TG: variants seen among roughly 807,000 people sequenced by gnomAD.
TG encodes thyroid hormones.
In TG, 270 loss-of-function variants were observed where a neutral mutation model predicts 324.7. That is an observed-to-expected ratio of 0.83 (90% CI 0.75 to 0.92). The LOEUF is 0.92. Among genes scored for constraint, TG ranks in the 40% least tolerant of loss-of-function variants. The probability of loss-of-function intolerance (pLI) is 0.00; values close to 1 mark genes in which losing one functional copy is unlikely to be tolerated. For synonymous variants in TG, 1,401 were observed against 1,327.0 expected (o/e 1.06, Z -1.21); for missense variants, 3,591 against 3,456.4 (o/e 1.04, Z -0.98).
At position 133,095,168 on chromosome 8, in the gene TG, G is replaced by T. The variant is rs2272707; in HGVS notation, c.7364G>T (p.Arg2455Leu). Residue 2455 changes from arginine to leucine, a missense_variant, in exon 42 of 48, where the codon CGC (arginine) becomes CTC (leucine). Arg to Leu is a moderately radical substitution (Grantham distance 102). Coordinates refer to ENST00000220616, the MANE Select transcript of TG (RefSeq NM_003235.5). ...SSSQEVVSCL[R>L]QKPANVLNDA... Reference sequence around the variant, plus strand: ...AGCCAAGAAGTGGTGTCCTGCCTCCGCCAGAAGCCTGCCAATGTCCTCAAT... The same window carrying T: ...AGCCAAGAAGTGGTGTCCTGCCTCCTCCAGAAGCCTGCCAATGTCCTCAAT... 3.7e-6 allele frequency: 6 copies of T among 1,614,182 alleles called. No homozygotes were observed. In the Admixed American group the frequency reaches 5.0e-5, roughly 13 times the overall value.
At chr8:133,047,954 C>T in intron 41 of TG, 1 of 1,484,572 alleles carries the variant, frequency 6.7e-7, no homozygotes, top group Non-Finnish European at 9.4e-7. Context: ...GGAAGACAGC[C>T]ATTAGGATCC....
At chr8:133,011,874 G>A (rs771906092) in intron 35 of TG, 27 bp from the exon 36 acceptor site, 17 of 1,613,974 alleles carry the variant, frequency 1.1e-5, no homozygotes, top group Middle Eastern at 3.3e-4. Context: ...ACAACTGCAT[G>A]TGACTGTCCG....
rs200232845 is a variant in TG at position 132,868,252 on chromosome 8, A to G, written c.176+29A>G. ...AGGCTTATGTCAGCAGCGAACTCTC[A>G]AGGTCCAAGATGCCATAAAAAGCAT... On this transcript the variant is annotated intron_variant, in intron 2 of 47. Coordinates refer to ENST00000220616, the MANE Select transcript of TG (RefSeq NM_003235.5). 2.1e-4 allele frequency: 336 copies of G among 1,596,172 alleles called. 1 individual carries two copies. In the African/African-American group the frequency reaches 4.3e-3, roughly 20 times the overall value.
At chr8:133,092,835 G>A (rs928472328) in intron 41 of TG, among the ~76,000 whole-genome samples, 5 of 152,078 alleles carry the variant, frequency 3.3e-5, no homozygotes, top group African/African-American at 1.2e-4. Flanking sequence ...AATTTTCCAC[G>A]GTGAAAAAGG....
In TG at chr8:132,933,596, G is replaced by A. The variant is rs114101452; in HGVS notation, c.4852G>A (p.Val1618Met). ...GGACGAGGCCTGCAGCTTCTTCACCGTGTCCACGACGGAGCCAGAGATTTC... is the reference window on the plus strand; with the variant it reads ...GGACGAGGCCTGCAGCTTCTTCACCATGTCCACGACGGAGCCAGAGATTTC... Reference protein sequence around the residue: ...TEDEACSFFTVSTTEPEISCD... With the variant: ...TEDEACSFFTMSTTEPEISCD... Residue 1618 changes from valine (V) to methionine (M), a missense_variant, in exon 24 of 48, where the codon GTG becomes ATG. Physicochemically the swap from Val to Met is conservative, Grantham distance 21. Transcript: ENST00000220616. 1.2e-4 allele frequency: 192 copies of A among 1,614,022 alleles called. No homozygotes were observed. The highest frequency in any genetic ancestry group is 2.8e-4 in the African/African-American group (21 of 74,886).
intron 4 of TG, among the ~76,000 whole-genome samples, chr8:132,872,477 C>CAAAAAAAA (rs11359047): frequency 1.4e-5 from 1 of 73,154 alleles, no homozygotes; most frequent in African/African-American, 5.5e-5. Context: ...GACTCCGTCT[C>CAAAAAAAA]AAAAAAAAAA....
At position 132,988,751 on chromosome 8, in the gene TG, A is replaced by C. The variant is rs117870930; in HGVS notation, c.6262+5339A>C. 6.4e-4 allele frequency: 629 copies of C among 985,432 alleles called. 14 individuals are homozygous for C. The East Asian group carries it at 0.056, about 88-fold the overall frequency. The allele number at this position is 985,432 out of a possible 1,614,324, so 61.0% of individuals were successfully genotyped here. On this transcript the variant is annotated intron_variant, in intron 35 of 47. Transcript: ENST00000220616. ...AGCAAGGCTGCTGCAGGTTAGCTTG[A>C]GTTATCTTCTCCAGTGTTGGAGCCT...
At chr8:132,985,129 T>C (rs6995181) in intron 35 of TG, among the ~76,000 whole-genome samples, 52,925 of 151,940 alleles carry the variant, frequency 0.35, 9,638 homozygotes, top group African/African-American at 0.43. Context: ...CAACGACACA[T>C]AGATCAAAAA....
In TG at chr8:133,102,258, A is replaced by C. The variant is rs74706672; in HGVS notation, c.7572+5885A>C. The C allele has an allele frequency of 6.3e-3, 2,038 of 325,856 alleles. 40 individuals are homozygous for C. The highest frequency in any genetic ancestry group is 0.04 in the African/African-American group (1,899 of 47,688). The allele number at this position is 325,856 out of a possible 1,614,324, so 20.2% of individuals were successfully genotyped here. A position where few individuals can be genotyped will look rare whatever the true frequency, so the allele number is the denominator to read the frequency against. ...TCCAAATTGTAGTAAACACAAATGC[A>C]TGCTCTCTACTCATGCCAACGCTGC... is the stretch of plus-strand genomic sequence containing the variant. On this transcript the variant is annotated intron_variant, in intron 43 of 47. Coordinates refer to ENST00000220616, the MANE Select transcript of TG (RefSeq NM_003235.5).
At chr8:133,131,768 C>T in intron 45 of TG, 44 bp from the exon 46 acceptor site, 2 of 1,611,574 alleles carry the variant, frequency 1.2e-6, no homozygotes, top group East Asian at 2.2e-5. Context: ...GAGTAGTTTA[C>T]TTTCTCTTGA....
chr8:133,092,559 A>G (rs1225181756), intron 41 of TG, among the ~76,000 whole-genome samples: 1 of 152,126 alleles, frequency 6.6e-6, no homozygotes, highest in Non-Finnish European at 1.5e-5. Flanking sequence ...TGTGCAGAGG[A>G]CACGCTTCTT....
At chr8:133,093,870 T>TA (rs1847979389) in intron 41 of TG, among the ~76,000 whole-genome samples, 1 of 152,192 alleles carries the variant, frequency 6.6e-6, no homozygotes, top group Admixed American at 6.5e-5. Context: ...GCAACCGACT[T>TA]ATACAATTGC....
chr8:133,111,220 C>T (rs1198865264), intron 43 of TG, among the ~76,000 whole-genome samples: 1 of 152,060 alleles, frequency 6.6e-6, no homozygotes, highest in Non-Finnish European at 1.5e-5. Context: ...ACTGGGGGAA[C>T]GAGCCTGTCT....
Position 133,083,869 on chromosome 8 carries a change from G to A in TG, c.7240-11175G>A, listed in dbSNP as rs2739170. Reference sequence around the variant, plus strand: ...AGTGAAGCCACCTCCTCCTCAGATGGTCCCTCTGCACCCAGTGGTTCCCAG... The same window carrying A: ...AGTGAAGCCACCTCCTCCTCAGATGATCCCTCTGCACCCAGTGGTTCCCAG... On this transcript the variant is annotated intron_variant, in intron 41 of 47. Transcript: ENST00000220616. Among the ~76,000 whole-genome samples the A allele has an allele frequency of 8.0e-3, 1,221 of 152,126 alleles. 17 individuals carry two copies. The highest frequency in any genetic ancestry group is 0.043 in the South Asian group (208 of 4,818).
intron 35 of TG, among the ~76,000 whole-genome samples, chr8:133,005,552 A>G (rs940036957): frequency 6.6e-6 from 1 of 152,156 alleles, no homozygotes; most frequent in Non-Finnish European, 1.5e-5. Context: ...TAACTCATTC[A>G]TTTGTGGTTA....
At chr8:132,932,462 T>C (rs1323472210) in intron 23 of TG, among the ~76,000 whole-genome samples, 1 of 152,218 alleles carries the variant, frequency 6.6e-6, no homozygotes, top group Non-Finnish European at 1.5e-5. Flanking sequence ...CCACAGACTG[T>C]GCTGATTTTT....
intron 6 of TG, 137 bp from the exon 7 acceptor site, chr8:132,882,332 A>G (rs1814760630): frequency 9.6e-7 from 1 of 1,044,276 alleles, no homozygotes; most frequent in African/African-American, 1.6e-5. Context: ...GACTTTGGAA[A>G]CTGTTAAAGT....
chr8:133,052,302 A>G (rs1564121581), intron 41 of TG, among the ~76,000 whole-genome samples: 1 of 152,246 alleles, frequency 6.6e-6, no homozygotes. Context: ...TCACGGTGGA[A>G]CAGTGCAGTC....
At chr8:132,964,146 G>C (rs1053638957) in intron 29 of TG, among the ~76,000 whole-genome samples, 4 of 152,018 alleles carry the variant, frequency 2.6e-5, no homozygotes, top group Admixed American at 2.6e-4. Flanking sequence ...ATGTGTGTGA[G>C]TTAGTGGCAC....
Sources: allele counts gnomAD v4.1 joint callset (sites outside exome capture counted in the v4.1 genomes callset), GRCh38; gene constraint gnomAD v4.1.1; transcripts MANE v1.5; gene names NCBI Gene and HGNC (gene_info 2026-07-23, HGNC 2026-07-21).